CLASP2: variants seen among roughly 807,000 people sequenced by gnomAD.
CLASP2 encodes cytoplasmic linker associated protein 2, also known as CLIP-associating protein 2.
A neutral mutation model predicts 194.4 loss-of-function variants in CLASP2; 47 were observed. The observed-to-expected ratio is 0.24, with a 90% CI of 0.19 to 0.31. The LOEUF (loss-of-function observed/expected upper bound fraction) is 0.31, where lower values mean the gene tolerates loss of function less well. CLASP2 is among the 10% of genes least tolerant of loss of function. The probability of loss-of-function intolerance (pLI) is 1.00; values close to 1 mark genes in which losing one functional copy is unlikely to be tolerated. For synonymous variants in CLASP2, 619 were observed against 633.5 expected (o/e 0.98, Z 0.34); for missense variants, 1,445 against 1,823.6 (o/e 0.79, Z 3.78).
intron 6 of CLASP2, among the ~76,000 whole-genome samples, chr3:33,679,528 AAAC>A (rs1404926595): frequency 3.9e-5 from 6 of 152,316 alleles, no homozygotes; most frequent in African/African-American, 1.4e-4. Context: ...AGAACTCTTA[AAAC>A]TCAACAATAA....
chr3:33,534,224 A>G (rs974352435), intron 34 of CLASP2, among the ~76,000 whole-genome samples: 6 of 152,178 alleles, frequency 3.9e-5, no homozygotes, highest in Admixed American at 3.3e-4. Context: ...TAAGAAAAGT[A>G]TTAATGAATT....
chr3:33,497,754 A>AT lies in CLASP2; in HGVS notation c.*876dup, dbSNP rs544839034. The stretch of plus-strand genomic sequence containing the variant: ...ACGGTCAAGGACACACACGCACTTG[A>AT]TTTTTTTTGTCCGTTTCCATTATCA... On this transcript the variant is annotated 3_prime_UTR_variant, in exon 39 of 39. Coordinates refer to ENST00000682230, the MANE Select transcript of CLASP2 (RefSeq NM_001365631.1). 7.7e-4 allele frequency: 118 copies of AT among 152,502 alleles called. No individual in the cohort carries two copies. The highest frequency in any genetic ancestry group is 1.1e-3 in the Non-Finnish European group (78 of 67,988). 9.4% of individuals were successfully genotyped at this position (152,502 alleles called of 1,614,324 possible).
chr3:33,690,245 T>G (rs1157003537), intron 2 of CLASP2, among the ~76,000 whole-genome samples: 1 of 152,102 alleles, frequency 6.6e-6, no homozygotes, highest in African/African-American at 2.4e-5. Flanking sequence ...CTAAAGTCAG[T>G]TCATAGGGCC....
chr3:33,634,334 T>C (rs1407193173), intron 8 of CLASP2, among the ~76,000 whole-genome samples: 1 of 152,188 alleles, frequency 6.6e-6, no homozygotes, highest in East Asian at 1.9e-4. Context: ...AATGGTATGA[T>C]GGTATCAGGG....
At position 33,496,644 on chromosome 3, in the gene CLASP2, A is replaced by C. The variant is rs2045821314; in HGVS notation, c.*1987T>G. 6.6e-6 allele frequency: 1 copy of C among 152,162 alleles called. No homozygotes were observed. The allele number at this position is 152,162 out of a possible 1,614,324, so 9.4% of individuals were successfully genotyped here. ...TTTCCAGTTAGTTACTGTTCAGCTT[A>C]AGTCACTCTACTTGGTTGTCAACAG... On this transcript the variant is annotated 3_prime_UTR_variant, in exon 39 of 39. Transcript: ENST00000682230.
intron 34 of CLASP2, among the ~76,000 whole-genome samples, chr3:33,529,551 G>A (rs2055598945): frequency 6.6e-6 from 1 of 152,044 alleles, no homozygotes; most frequent in African/African-American, 2.4e-5. Flanking sequence ...CATATTTGAG[G>A]AGCCATCTTC....
rs116384011 is a variant in CLASP2, at chr3:33,579,980, T to C, written c.2347+1841A>G. 5.0e-3 allele frequency among the ~76,000 whole-genome samples: 757 copies of C among 152,292 alleles called. 5 individuals are homozygous for C. Among genetic ancestry groups the C allele is most frequent in the African/African-American group, 0.017 (723 of 41,546 alleles). ...ACGTATATGTGCATGCGCATGCACATGCACACATACAGACATTCTGCAGAC... is the reference window on the plus strand; with the variant it reads ...ACGTATATGTGCATGCGCATGCACACGCACACATACAGACATTCTGCAGAC... On this transcript the variant is annotated intron_variant, in intron 23 of 38. Coordinates refer to ENST00000682230, the MANE Select transcript of CLASP2 (RefSeq NM_001365631.1).
At chr3:33,694,502 T>C (rs960281351) in intron 2 of CLASP2, among the ~76,000 whole-genome samples, 4 of 152,216 alleles carry the variant, frequency 2.6e-5, no homozygotes, top group Non-Finnish European at 5.9e-5. Flanking sequence ...CAAATGTTTA[T>C]GGTCAAGGAG....
intron 1 of CLASP2, among the ~76,000 whole-genome samples, chr3:33,703,031 A>C (rs1230991528): frequency 6.6e-6 from 1 of 152,208 alleles, no homozygotes; most frequent in African/African-American, 2.4e-5. Context: ...GAAAAAATCT[A>C]ATTGACCTTG....
chr3:33,592,281 T>C (rs751837805), intron 21 of CLASP2, 114 bp downstream of exon 21: 26 of 812,520 alleles, frequency 3.2e-5, no homozygotes, highest in Non-Finnish European at 5.2e-5. Context: ...CTTGTCTTTT[T>C]TTAAATTAGC....
chr3:33,556,745 A>G (rs962708048), intron 29 of CLASP2, among the ~76,000 whole-genome samples: 2 of 151,994 alleles, frequency 1.3e-5, no homozygotes, highest in African/African-American at 4.8e-5. Flanking sequence ...CCAAAAAGTG[A>G]TTTTCCCTCA....
chr3:33,681,654 A>G (rs1247342208), intron 6 of CLASP2, among the ~76,000 whole-genome samples: 1 of 152,240 alleles, frequency 6.6e-6, no homozygotes, highest in Non-Finnish European at 1.5e-5. Flanking sequence ...GTTGGAGTAC[A>G]TAAAGGTTTT....
intron 10 of CLASP2, among the ~76,000 whole-genome samples, chr3:33,624,116 T>C (rs143436255): frequency 1.3e-5 from 2 of 152,248 alleles, no homozygotes; most frequent in African/African-American, 4.8e-5. Context: ...ACTACATTGA[T>C]AAAAAGAGAT....
At chr3:33,596,116 C>G (rs576154429) in intron 19 of CLASP2, among the ~76,000 whole-genome samples, 285 of 151,708 alleles carry the variant, frequency 1.9e-3, no homozygotes, top group Non-Finnish European at 3.2e-3. Flanking sequence ...AATATACTAT[C>G]TAGTATCAGA....
chr3:33,698,205 T>G (rs2154351810), intron 1 of CLASP2, among the ~76,000 whole-genome samples: 1 of 152,206 alleles, frequency 6.6e-6, no homozygotes, highest in East Asian at 1.9e-4. Context: ...AATAAAAGTT[T>G]GAAGCTCCTC....
In CLASP2 at chr3:33,684,362, G is replaced by T; in HGVS notation, c.641C>A (p.Ala214Asp). 1 of 1,565,016 alleles carries T rather than the reference G, an allele frequency of 6.4e-7. No individual in the cohort carries two copies. Among genetic ancestry groups the T allele is most frequent in the Non-Finnish European group, 8.6e-7 (1 of 1,156,224 alleles). Reference sequence around the variant, plus strand: ...AACCAAATTTAGCAAGACTTACCTAGCAGGGGGAATTCCTCTCTTATAAAG... The same window carrying T: ...AACCAAATTTAGCAAGACTTACCTATCAGGGGGAATTCCTCTCTTATAAAG... The part of the protein sequence containing the change: ...MDLYKRGIPP[A>D]RLEMIFAKFD... The change falls in exon 6 of 39, where the codon GCT becomes GAT. Residue 214 changes from alanine to aspartate, a missense_variant. Physicochemically the swap from Ala to Asp is moderately radical, Grantham distance 126 (BLOSUM62 -2). Coordinates refer to ENST00000682230, the MANE Select transcript of CLASP2 (RefSeq NM_001365631.1).
chr3:33,602,870 G>C, intron 18 of CLASP2, 82 bp downstream of exon 18: 1 of 1,291,318 alleles, frequency 7.7e-7, no homozygotes, highest in Non-Finnish European at 1.1e-6. Context: ...AGAATGAATA[G>C]AAATGATTAA....
chr3:33,511,446 A>T (rs1159658548), intron 36 of CLASP2, among the ~76,000 whole-genome samples: 2 of 152,152 alleles, frequency 1.3e-5, no homozygotes, highest in African/African-American at 4.8e-5. Flanking sequence ...GCCATGCTGA[A>T]GCCCTGCTCA....
chr3:33,571,203 C>T (rs560856140), intron 25 of CLASP2, among the ~76,000 whole-genome samples: 2,119 of 146,984 alleles, frequency 0.014, 29 homozygotes, highest in Non-Finnish European at 0.023. Flanking sequence ...TTAGTAGAGA[C>T]GGGGTTTCAC....
Sources: gnomAD v4.1 joint callset for allele counts (sites outside exome capture counted in the v4.1 genomes callset) on GRCh38, gnomAD v4.1.1 for gene constraint, MANE v1.5 for transcripts, NCBI Gene and HGNC (gene_info 2026-07-23, HGNC 2026-07-21) for gene names.